LRCH1: variants seen among roughly 807,000 people sequenced by gnomAD.
The protein encoded by LRCH1 is leucine-rich repeat and calponin homology domain-containing protein 1.
LRCH1 carries 23 observed loss-of-function variants against 94.9 expected under a neutral mutation model. The ratio of observed to expected loss-of-function variants is 0.24; its 90% CI spans 0.17 to 0.34. LRCH1 has a LOEUF of 0.34. Among genes scored for constraint, LRCH1 ranks in the 10% least tolerant of loss-of-function variants. LRCH1 has a pLI of 1.00. For missense variants in LRCH1, 790 were observed against 945.9 expected (o/e 0.84, Z 2.16); for synonymous variants, 364 against 354.9 (o/e 1.03, Z -0.29).
chr13:46,688,347 T>G (rs2138154392), intron 6 of LRCH1, among the ~76,000 whole-genome samples: 1 of 152,312 alleles, frequency 6.6e-6, no homozygotes, highest in Middle Eastern at 3.4e-3. Context: ...ACATGCCTTT[T>G]TAGCAATTAT....
rs568973090 is a variant in LRCH1 at position 46,618,885 on chromosome 13, G to T, written c.308-31316G>T. On this transcript the variant is annotated intron_variant, in intron 1 of 19. Coordinates refer to ENST00000389797, the MANE Select transcript of LRCH1 (RefSeq NM_001164211.2). ...TCTACTGCTCTGTCTTTCCTCAGTT[G>T]TGTTTTCCCCATGTGGGTTTGTTTT... Among the ~76,000 whole-genome samples the T allele has an allele frequency of 5.3e-5, 8 of 152,186 alleles. No homozygotes were observed. In the South Asian group the frequency reaches 1.7e-3, roughly 32 times the overall value.
At chr13:46,560,740 A>G (rs1347353089) in intron 1 of LRCH1, among the ~76,000 whole-genome samples, 2 of 152,234 alleles carry the variant, frequency 1.3e-5, no homozygotes, top group Admixed American at 1.3e-4. Context: ...AAGAAAAGAA[A>G]GGTCAGGGTT....
exon 19 of LRCH1, chr13:46,753,026 C>G (rs970239828): frequency 6.6e-6 from 1 of 150,930 alleles, no homozygotes; most frequent in East Asian, 2.0e-4. Context: ...CCATTAAAAT[C>G]TTGGATTTGT....
At chr13:46,567,154 C>T (rs116560619) in intron 1 of LRCH1, among the ~76,000 whole-genome samples, 1 of 152,266 alleles carries the variant, frequency 6.6e-6, no homozygotes, top group Non-Finnish European at 1.5e-5. Flanking sequence ...CGAATTTCAT[C>T]GAGTGCAAGA....
At chr13:46,728,666 A>T (rs1171375337) in intron 17 of LRCH1, among the ~76,000 whole-genome samples, 181 bp from the exon 18 acceptor site, 1 of 152,242 alleles carries the variant, frequency 6.6e-6, no homozygotes, top group East Asian at 1.9e-4. Context: ...ATTTGTTTTT[A>T]TAAAGAGAGA....
intron 18 of LRCH1, among the ~76,000 whole-genome samples, chr13:46,730,549 T>G (rs904441676): frequency 6.6e-6 from 1 of 152,212 alleles, no homozygotes; most frequent in Admixed American, 6.5e-5. Flanking sequence ...CATCTTAGTT[T>G]CTTATCTATC....
chr13:46,592,363 G>T (rs1157318192), intron 1 of LRCH1, among the ~76,000 whole-genome samples: 1 of 152,198 alleles, frequency 6.6e-6, no homozygotes, highest in Non-Finnish European at 1.5e-5. Context: ...TGCCACTGTG[G>T]CATTCCCATC....
chr13:46,695,117 C>T (rs1871113522), intron 9 of LRCH1, 100 bp downstream of exon 9: 6 of 1,401,200 alleles, frequency 4.3e-6, no homozygotes, highest in Non-Finnish European at 5.9e-6. Flanking sequence ...CTTCAATGTC[C>T]AGCTTGCTGC....
chr13:46,661,545 A>AGTAAAATTTTTGGCAAAAC (rs2051448685), intron 2 of LRCH1, among the ~76,000 whole-genome samples: 1 of 152,232 alleles, frequency 6.6e-6, no homozygotes, highest in East Asian at 1.9e-4. Flanking sequence ...TTTGGCAAAG[A>AGTAAAATTTTTGGCAAAAC]GTAAAATTTT....
Position 46,708,276 on chromosome 13 carries a change from C to CTTTTT in LRCH1, c.1527+2986_1527+2990dup, listed in dbSNP as rs10635302. ...TGTCTAGGTCTAGTTTTCATCCCAT[C>CTTTTT]TTTTTTTTTTTTTTTTTTGAGGCAG... On this transcript the variant is annotated intron_variant, in intron 13 of 19. Coordinates refer to ENST00000389797, the MANE Select transcript of LRCH1 (RefSeq NM_001164211.2). Among the ~76,000 whole-genome samples the CTTTTT allele has an allele frequency of 2.6e-4, 34 of 130,502 alleles. 1 individual carries two copies. Among genetic ancestry groups the CTTTTT allele is most frequent in the Non-Finnish European group, 4.1e-4 (26 of 63,174 alleles). 85.6% of individuals were successfully genotyped at this position (130,502 alleles called of 152,430 possible).
intron 9 of LRCH1, among the ~76,000 whole-genome samples, chr13:46,698,298 G>A (rs977225909): frequency 6.6e-6 from 1 of 152,200 alleles, no homozygotes; most frequent in Non-Finnish European, 1.5e-5. Flanking sequence ...GGGAAATGTG[G>A]CCCTATTCAG....
At chr13:46,609,641 T>C (rs905997883) in intron 1 of LRCH1, among the ~76,000 whole-genome samples, 3 of 152,188 alleles carry the variant, frequency 2.0e-5, no homozygotes, top group African/African-American at 4.8e-5. Flanking sequence ...GAACACTCCC[T>C]GAGTGAAGGT....
At chr13:46,735,429 G>A (rs1450158275) in intron 19 of LRCH1, among the ~76,000 whole-genome samples, 1 of 152,186 alleles carries the variant, frequency 6.6e-6, no homozygotes, top group African/African-American at 2.4e-5. Context: ...AGGTCATTAG[G>A]TTATGACCTA....
At chr13:46,599,688 T>G (rs1244795067) in intron 1 of LRCH1, among the ~76,000 whole-genome samples, 1 of 152,224 alleles carries the variant, frequency 6.6e-6, no homozygotes, top group Non-Finnish European at 1.5e-5. Flanking sequence ...CAGAAATATT[T>G]GCATTTTCCA....
chr13:46,611,124 T>G (rs1400015553), intron 1 of LRCH1, among the ~76,000 whole-genome samples: 2 of 152,200 alleles, frequency 1.3e-5, no homozygotes, highest in East Asian at 3.8e-4. Context: ...AAGATTCTGG[T>G]GCTAGTGTCC....
chr13:46,750,673 G>T (rs1414575636), exon 19 of LRCH1: 4 of 1,471,316 alleles, frequency 2.7e-6, no homozygotes, highest in African/African-American at 1.4e-5. Context: ...TCCATTGGGG[G>T]CTCAGACTCT....
At chr13:46,610,320 A>G (rs2138001138) in intron 1 of LRCH1, among the ~76,000 whole-genome samples, 1 of 152,236 alleles carries the variant, frequency 6.6e-6, no homozygotes, top group Non-Finnish European at 1.5e-5. Flanking sequence ...CAGATTTCCT[A>G]GGGTAGTGCT....
chr13:46,659,546 T>G (rs2051418709), intron 2 of LRCH1, among the ~76,000 whole-genome samples: 1 of 152,124 alleles, frequency 6.6e-6, no homozygotes, highest in Non-Finnish European at 1.5e-5. Flanking sequence ...TTTCATGAAC[T>G]ATTGGAACAG....
At chr13:46,657,457 TTTTC>T (rs1308332385) in intron 2 of LRCH1, among the ~76,000 whole-genome samples, 7 of 147,350 alleles carry the variant, frequency 4.8e-5, no homozygotes, top group East Asian at 2.0e-4. Context: ...CCACCACTTT[TTTTC>T]TTTCTTTCTT....
Sources: gnomAD v4.1 joint callset for allele counts (sites outside exome capture counted in the v4.1 genomes callset) on GRCh38, gnomAD v4.1.1 for gene constraint, MANE v1.5 for transcripts, NCBI Gene and HGNC (gene_info 2026-07-23, HGNC 2026-07-21) for gene names.